MBTPS1: variants seen among roughly 807,000 people sequenced by gnomAD.
MBTPS1 encodes the protein membrane bound transcription factor peptidase, site 1.
MBTPS1 carries 94 observed loss-of-function variants against 127.8 expected under a neutral mutation model. The ratio of observed to expected loss-of-function variants is 0.74; its 90% CI spans 0.62 to 0.87. The LOEUF (loss-of-function observed/expected upper bound fraction) is 0.87, where lower values mean the gene tolerates loss of function less well. MBTPS1 is among the 40% of genes least tolerant of loss of function. The probability of loss-of-function intolerance (pLI) is 0.00; values close to 1 mark genes in which losing one functional copy is unlikely to be tolerated. For missense variants in MBTPS1, 1,636 were observed against 1,353.2 expected, an observed-to-expected ratio of 1.21 and a Z score of -3.28; for synonymous variants, 632 against 509.4, an observed-to-expected ratio of 1.24 and a Z score of -3.24.
chr16:84,080,271 C>T (rs1345162160), intron 11 of MBTPS1, among the ~76,000 whole-genome samples: 1 of 152,126 alleles, frequency 6.6e-6, no homozygotes, highest in Non-Finnish European at 1.5e-5. Context: ...CAGGAGAGTT[C>T]CAATTAATCA....
intron 6 of MBTPS1, 40 bp downstream of exon 6, chr16:84,093,148 T>C (rs2086132730): frequency 4.6e-6 from 6 of 1,295,340 alleles, no homozygotes; most frequent in Non-Finnish European, 6.8e-6. Context: ...TACATTTCAG[T>C]ATGAATTCCT....
At chr16:84,112,831 T>C (rs2086417838) in intron 1 of MBTPS1, among the ~76,000 whole-genome samples, 1 of 151,348 alleles carries the variant, frequency 6.6e-6, no homozygotes, top group Non-Finnish European at 1.5e-5. Flanking sequence ...AAAAATTAGC[T>C]GGGTGTGGTG....
At chr16:84,075,003 A>G (rs1197342551) in intron 11 of MBTPS1, 1 of 284,186 alleles carries the variant, frequency 3.5e-6, no homozygotes, top group East Asian at 6.7e-5. Context: ...GGGAGTTGTC[A>G]CTGGCAGAGA....
intron 5 of MBTPS1, 48 bp from the exon 6 acceptor site, chr16:84,093,345 G>C (rs1252606360): frequency 4.8e-6 from 6 of 1,242,146 alleles, no homozygotes; most frequent in Non-Finnish European, 5.9e-6. Context: ...TGAATAGCAA[G>C]TGCCAGGACG....
intron 3 of MBTPS1, among the ~76,000 whole-genome samples, chr16:84,096,561 G>A (rs1176200562): frequency 6.6e-6 from 1 of 152,172 alleles, no homozygotes; most frequent in Non-Finnish European, 1.5e-5. Context: ...ACCTTTCAAA[G>A]ACCATGTTAT....
Position 84,070,703 on chromosome 16 carries a change from C to G in MBTPS1, c.1667G>C (p.Trp556Ser). 5 of 1,614,116 alleles carry G rather than the reference C, an allele frequency of 3.1e-6. No individual in the cohort carries two copies. Among genetic ancestry groups the G allele is most frequent in the Non-Finnish European group, 4.2e-6 (5 of 1,180,006 alleles). Residue 556 changes from tryptophan (W) to serine (S), a missense_variant, in exon 13 of 23, where the codon TGG becomes TCG. By Grantham distance (177) the Trp-to-Ser change is radical. Transcript: ENST00000343411. ...EVAFSYSSVLWPWSGYLAISI... is the reference protein window; with the variant it reads ...EVAFSYSSVLSPWSGYLAISI... ...GATGGCCAGGTAGCCCGACCAAGGCCATAAGACCGAGGAGTAGGAGAAGGC... is the reference window on the plus strand; with the variant it reads ...GATGGCCAGGTAGCCCGACCAAGGCGATAAGACCGAGGAGTAGGAGAAGGC...
chr16:84,067,456 G>A (rs1011984441), intron 16 of MBTPS1, among the ~76,000 whole-genome samples: 10 of 152,104 alleles, frequency 6.6e-5, no homozygotes, highest in African/African-American at 2.2e-4. Flanking sequence ...AGGTTCAACC[G>A]ATCTGCCCAA....
Position 84,081,792 on chromosome 16 carries a change from A to C in MBTPS1, c.1403T>G (p.Leu468Arg). ...GTTGAGGATCTGATAGGCTCTGAGC[A>C]GATCGAGCTTGCCGTGGCCTTGCTC... ...MFEQGHGKLD[L>R]LRAYQILNSY... is the part of the protein sequence containing the mutation. The change falls in exon 11 of 23, where the codon CTG becomes CGG. Residue 468 changes from leucine to arginine, a missense_variant. Transcript: ENST00000343411. The C allele has an allele frequency of 6.6e-7, 1 of 1,518,818 alleles. No homozygotes were observed. The allele number at this position is 1,518,818 out of a possible 1,614,324, so 94.1% of individuals were successfully genotyped here.
intron 17 of MBTPS1, among the ~76,000 whole-genome samples, chr16:84,066,166 C>T (rs577838932): frequency 1.3e-5 from 2 of 152,252 alleles, no homozygotes; most frequent in South Asian, 2.1e-4. Context: ...ACTTCCTACA[C>T]GGGAAACACA....
chr16:84,055,395 C>T (rs1038066631), intron 22 of MBTPS1, among the ~76,000 whole-genome samples: 7 of 152,216 alleles, frequency 4.6e-5, no homozygotes, highest in African/African-American at 1.2e-4. Context: ...GTACAGGGGA[C>T]TCTAGAGCAA....
At chr16:84,086,751 C>T (rs1043816489) in intron 9 of MBTPS1, among the ~76,000 whole-genome samples, 4 of 152,126 alleles carry the variant, frequency 2.6e-5, no homozygotes, top group African/African-American at 4.8e-5. Context: ...TCGGCCACAG[C>T]GAGGGCAAAG....
chr16:84,072,534 G>A (rs1046492403), intron 12 of MBTPS1, among the ~76,000 whole-genome samples: 1 of 152,214 alleles, frequency 6.6e-6, no homozygotes. Context: ...GCTCACACCT[G>A]TAATCCCAGC....
At chr16:84,082,843 T>A (rs1253192795) in intron 10 of MBTPS1, among the ~76,000 whole-genome samples, 1 of 152,180 alleles carries the variant, frequency 6.6e-6, no homozygotes, top group East Asian at 1.9e-4. Flanking sequence ...TAAAGTGAAC[T>A]CAAGGGTTGC....
In MBTPS1 at chr16:84,093,257, G is replaced by A. The variant is rs772106242; in HGVS notation, c.777C>T (p.Ser259=). 5.6e-6 allele frequency: 9 copies of A among 1,614,016 alleles called. No homozygotes were observed. Among genetic ancestry groups the A allele is most frequent in the Non-Finnish European group, 7.6e-6 (9 of 1,179,888 alleles). The change falls in exon 6 of 23, where the codon AGC becomes AGT. Residue 259 remains serine (S), a synonymous_variant. Coordinates refer to ENST00000343411, the MANE Select transcript of MBTPS1 (RefSeq NM_003791.4). ...GAGCAAATCCTTGGCACTCCCTCAT[G>A]CTGGCTATCACACCTGCCACGAATG... ...HGTFVAGVIA[S]MRECQGFAPD...
intron 1 of MBTPS1, among the ~76,000 whole-genome samples, chr16:84,107,708 A>AT (rs61479777): frequency 0.36 from 51,619 of 144,440 alleles, 9,299 homozygotes; most frequent in South Asian, 0.46. Flanking sequence ...TCCTGGGCCT[A>AT]TTTTTTTTTT....
At chr16:84,089,139 G>A (rs79377557) in intron 8 of MBTPS1, among the ~76,000 whole-genome samples, 10 of 152,362 alleles carry the variant, frequency 6.6e-5, no homozygotes, top group East Asian at 1.9e-4. Flanking sequence ...GATGGGGTGC[G>A]GAAGACCTGA....
Position 84,101,845 on chromosome 16 carries a change from T to C in MBTPS1, c.-62A>G, listed in dbSNP as rs1305943890. ...TCAAATCACACTTTTTTCTTCTTGA[T>C]TAAAAGTGAATTTTTGTTTCAGCTA... On this transcript the variant is annotated 5_prime_UTR_variant, in exon 2 of 23. The change abolishes the stop of an existing upstream ORF in the 5' untranslated region. Transcript: ENST00000343411. The C allele has an allele frequency of 1.3e-6, 2 of 1,509,490 alleles. No individual in the cohort carries two copies. Among genetic ancestry groups the C allele is most frequent in the Non-Finnish European group, 1.8e-6 (2 of 1,101,110 alleles). 93.5% of individuals were successfully genotyped at this position (1,509,490 alleles called of 1,614,324 possible).
At chr16:84,085,598 A>G (rs1264405445) in intron 9 of MBTPS1, among the ~76,000 whole-genome samples, 1 of 145,266 alleles carries the variant, frequency 6.9e-6, no homozygotes, top group Non-Finnish European at 1.5e-5. Context: ...AAAGAGAAAA[A>G]AACAAAGAAA....
chr16:84,089,115 A>G (rs912206432), intron 8 of MBTPS1, among the ~76,000 whole-genome samples: 17 of 152,232 alleles, frequency 1.1e-4, no homozygotes, highest in Non-Finnish European at 1.9e-4. Context: ...TATGGCCAGG[A>G]GGATGGGCAG....
Sources: allele counts gnomAD v4.1 joint callset (sites outside exome capture counted in the v4.1 genomes callset), GRCh38; gene constraint gnomAD v4.1.1; transcripts MANE v1.5; gene names NCBI Gene and HGNC (gene_info 2026-07-23, HGNC 2026-07-21).